The following ARHGEF3 variants were observed in gnomAD, a reference collection of about 807,000 sequenced individuals.
ARHGEF3 encodes Rho guanine nucleotide exchange factor 3, also known as 59.8 kDA protein.
In ARHGEF3, 28 loss-of-function variants were observed where a neutral mutation model predicts 63.2. The ratio of observed to expected loss-of-function variants is 0.44; its 90% CI spans 0.33 to 0.61. The LOEUF is 0.61. ARHGEF3 is among the 20% of genes least tolerant of loss of function. ARHGEF3 has a pLI of 0.03. For synonymous variants in ARHGEF3, 266 were observed against 254.2 expected, an observed-to-expected ratio of 1.05 and a Z score of -0.44; for missense variants, 533 against 659.3, an observed-to-expected ratio of 0.81 and a Z score of 2.10.
At chr3:56,769,439 T>C (rs537815061) in intron 2 of ARHGEF3, among the ~76,000 whole-genome samples, 6 of 152,360 alleles carry the variant, frequency 3.9e-5, no homozygotes, top group African/African-American at 1.4e-4. Flanking sequence ...CTAACCTTCC[T>C]GGTGAGAAGC....
intron 2 of ARHGEF3, among the ~76,000 whole-genome samples, chr3:56,967,013 G>A (rs1700527039): frequency 6.7e-6 from 1 of 150,064 alleles, no homozygotes; most frequent in Non-Finnish European, 1.5e-5. Context: ...ACAGGCATGC[G>A]CCACCATGCC....
upstream of ARHGEF3, among the ~76,000 whole-genome samples, chr3:56,804,638 G>T (rs749903099): frequency 6.6e-6 from 1 of 152,156 alleles, no homozygotes; most frequent in Non-Finnish European, 1.5e-5. Context: ...TTTTTCCCTC[G>T]ATAGATAACC....
chr3:56,995,778 G>A (rs772773860), intron 2 of ARHGEF3, among the ~76,000 whole-genome samples: 102 of 152,052 alleles, frequency 6.7e-4, no homozygotes, highest in Non-Finnish European at 1.3e-3. Context: ...GCTAAAATTG[G>A]ACATTTGAAG....
chr3:56,833,418 T>C (rs13091781), intron 4 of ARHGEF3, among the ~76,000 whole-genome samples: 38,734 of 152,116 alleles, frequency 0.25, 5,671 homozygotes, highest in Non-Finnish European at 0.33. Flanking sequence ...ACTTTTTAAC[T>C]CTATATTTAT....
At chr3:56,951,165 A>C (rs1336428316) in intron 3 of ARHGEF3, among the ~76,000 whole-genome samples, 3 of 151,844 alleles carry the variant, frequency 2.0e-5, no homozygotes, top group Non-Finnish European at 4.4e-5. Flanking sequence ...GCATTAGGAG[A>C]TATACCTATG....
At position 56,770,589 on chromosome 3, in the gene ARHGEF3, A is replaced by G. The variant is rs1037503075; in HGVS notation, c.204+3120T>C. On this transcript the variant is annotated intron_variant, in intron 2 of 9. Coordinates refer to ENST00000296315, the MANE Select transcript of ARHGEF3 (RefSeq NM_019555.3). ...GCACCAAGGTGAGTTACAAGAAGAC[A>G]TGTGGGGACAAGCTGGCATTCTCCA... Among the ~76,000 whole-genome samples the G allele has an allele frequency of 7.9e-5, 12 of 152,164 alleles. No homozygotes were observed. In the South Asian group the frequency reaches 1.2e-3, roughly 16 times the overall value.
At chr3:56,733,289 A>G (rs1456310744) in intron 8 of ARHGEF3, among the ~76,000 whole-genome samples, 1 of 140,220 alleles carries the variant, frequency 7.1e-6, no homozygotes, top group African/African-American at 2.7e-5. Context: ...TCTAAAAAAA[A>G]AAAAAAAAAA....
chr3:57,077,256 A>G (rs1006080449), intron 1 of ARHGEF3, among the ~76,000 whole-genome samples: 1 of 152,130 alleles, frequency 6.6e-6, no homozygotes, highest in African/African-American at 2.4e-5. Flanking sequence ...TGCCCACTGA[A>G]AAGTGTGTTC....
At position 57,021,273 on chromosome 3, in the gene ARHGEF3, G is replaced by A. The variant is rs74372285; in HGVS notation, c.62+13815C>T. Among the ~76,000 whole-genome samples, 1,400 of 152,122 alleles carry A rather than the reference G, an allele frequency of 9.2e-3. 29 individuals carry two copies. The highest frequency in any genetic ancestry group is 0.032 in the African/African-American group (1,314 of 41,414). On this transcript the variant is annotated intron_variant, in intron 2 of 12. Coordinates refer to the ARHGEF3 transcript ENST00000338458. Reference sequence around the variant, plus strand: ...AGATGTCTCCTTAGATGCCAATCTTGTTGAATTCCAACATATATTCCTGAT... The same window carrying A: ...AGATGTCTCCTTAGATGCCAATCTTATTGAATTCCAACATATATTCCTGAT...
At chr3:56,989,356 A>G (rs1701660038) in intron 2 of ARHGEF3, among the ~76,000 whole-genome samples, 1 of 152,102 alleles carries the variant, frequency 6.6e-6, no homozygotes, top group African/African-American at 2.4e-5. Flanking sequence ...TCTGCCTCAG[A>G]GAATACAAGT....
chr3:56,816,841 C>T (rs567020126), intron 4 of ARHGEF3, among the ~76,000 whole-genome samples: 2 of 152,306 alleles, frequency 1.3e-5, no homozygotes, highest in East Asian at 3.9e-4. Context: ...AGGCCAGTCA[C>T]AAACCAGGGA....
rs566415995 is a variant in ARHGEF3 at position 56,873,361 on chromosome 3, G to C, written c.192+8931C>G. Reference sequence around the variant, plus strand: ...CTAGCACCCATTAGTTGTTTTTCCTGATCTTCTCCCTCCTCCCTTCTCCCC... The same window carrying C: ...CTAGCACCCATTAGTTGTTTTTCCTCATCTTCTCCCTCCTCCCTTCTCCCC... On this transcript the variant is annotated intron_variant, in intron 4 of 12. Transcript: ENST00000338458. 8.6e-5 allele frequency among the ~76,000 whole-genome samples: 13 copies of C among 151,766 alleles called. 1 individual carries two copies. Among genetic ancestry groups the C allele is most frequent in the Admixed American group, 6.6e-4 (10 of 15,216 alleles).
At chr3:56,731,560 A>T (rs2033161075) in intron 9 of ARHGEF3, 1 of 147,172 alleles carries the variant, frequency 6.8e-6, no homozygotes, top group Non-Finnish European at 1.5e-5. Flanking sequence ...AATAAAACAG[A>T]CCTCCTATTG....
intron 2 of ARHGEF3, among the ~76,000 whole-genome samples, chr3:56,970,828 C>T (rs1419915932): frequency 2.6e-5 from 4 of 152,250 alleles, no homozygotes; most frequent in Admixed American, 2.0e-4. Context: ...AGCACAGAAG[C>T]TGGAGCCGGC....
intron 3 of ARHGEF3, among the ~76,000 whole-genome samples, chr3:56,890,661 T>C (rs1241532922): frequency 6.6e-6 from 1 of 152,188 alleles, no homozygotes; most frequent in Non-Finnish European, 1.5e-5. Context: ...CAGGATACCT[T>C]CAGTCACATT....
At chr3:56,805,017 A>G (rs2037810623), upstream of ARHGEF3, among the ~76,000 whole-genome samples, 1 of 151,864 alleles carries the variant, frequency 6.6e-6, no homozygotes, top group African/African-American at 2.4e-5. Context: ...ACTAGAACAC[A>G]TTTGCCATCA....
At chr3:56,832,792 C>T (rs1362762209) in intron 4 of ARHGEF3, among the ~76,000 whole-genome samples, 1 of 152,182 alleles carries the variant, frequency 6.6e-6, no homozygotes, top group Non-Finnish European at 1.5e-5. Flanking sequence ...GCCTGACAAC[C>T]ACGAATCTAC....
intron 2 of ARHGEF3, among the ~76,000 whole-genome samples, chr3:57,001,080 C>T (rs2107020784): frequency 6.6e-6 from 1 of 152,136 alleles, no homozygotes; most frequent in East Asian, 1.9e-4. Context: ...GCTGGAACTA[C>T]AGGCATGCAC....
At chr3:56,773,870 A>T in intron 1 of ARHGEF3, 54 bp from the exon 2 acceptor site, 13 of 1,399,732 alleles carry the variant, frequency 9.3e-6, no homozygotes, top group Non-Finnish European at 1.3e-5. Flanking sequence ...TGCAAAGACA[A>T]CATAACTCCA....
Sources: gnomAD v4.1 joint callset for allele counts (sites outside exome capture counted in the v4.1 genomes callset) on GRCh38, gnomAD v4.1.1 for gene constraint, MANE v1.5 for transcripts, NCBI Gene and HGNC (gene_info 2026-07-23, HGNC 2026-07-21) for gene names.